Variants in PLPP4 observed in about 807,000 individuals in gnomAD.
The protein encoded by PLPP4 is diacylglycerol pyrophosphate like 2.
PLPP4 carries 20 observed loss-of-function variants against 32.2 expected under a neutral mutation model. The ratio of observed to expected loss-of-function variants is 0.62; its 90% confidence interval spans 0.44 to 0.90. PLPP4 has a LOEUF of 0.90. Among genes scored for constraint, PLPP4 ranks in the 40% least tolerant of loss-of-function variants. The pLI is 0.00. For missense variants in PLPP4, 257 were observed against 353.1 expected (o/e 0.73, Z 2.18); for synonymous variants, 127 against 133.0 (o/e 0.95, Z 0.31).
chr10:120,477,242 C>CAAAAAAAGAA (rs140983897), intron 1 of PLPP4, among the ~76,000 whole-genome samples: 1 of 140,630 alleles, frequency 7.1e-6, no homozygotes, highest in Non-Finnish European at 1.5e-5. Flanking sequence ...CAGAACGGTT[C>CAAAAAAAGAA]AAAAAGAAAA....
chr10:120,518,342 C>A (rs1341116900), intron 3 of PLPP4, among the ~76,000 whole-genome samples: 2 of 152,164 alleles, frequency 1.3e-5, no homozygotes, highest in East Asian at 3.9e-4. Flanking sequence ...AACAAATGGA[C>A]AGCTGTCGGC....
intron 6 of PLPP4, among the ~76,000 whole-genome samples, chr10:120,587,057 G>C (rs1478085283): frequency 6.6e-6 from 1 of 152,162 alleles, no homozygotes; most frequent in Non-Finnish European, 1.5e-5. Flanking sequence ...TTAGGGGAAG[G>C]CATGAGGAGA....
At position 120,518,915 on chromosome 10, in the gene PLPP4, G is replaced by T; in HGVS notation, c.320+19G>T. On this transcript the variant is annotated intron_variant, in intron 4 of 6. Coordinates refer to ENST00000398250, the MANE Select transcript of PLPP4 (RefSeq NM_001030059.3). ...TGGGAAGGTAAGTTCCAAGAAGAATGAAATGGTGACTTAGACTATCAAGGT... is the reference window on the plus strand; with the variant it reads ...TGGGAAGGTAAGTTCCAAGAAGAATTAAATGGTGACTTAGACTATCAAGGT... 6.3e-7 allele frequency: 1 copy of T among 1,599,806 alleles called. No individual in the cohort carries two copies. The highest frequency in any genetic ancestry group is 1.1e-5 in the South Asian group (1 of 89,264).
chr10:120,457,296 C>T lies in PLPP4; in HGVS notation c.-10C>T, dbSNP rs759850248. 3.3e-6 allele frequency: 5 copies of T among 1,515,830 alleles called. No individual in the cohort carries two copies. Among genetic ancestry groups the T allele is most frequent in the African/African-American group, 2.8e-5 (2 of 70,720 alleles). The allele number at this position is 1,515,830 out of a possible 1,614,324, so 93.9% of individuals were successfully genotyped here. A position where few individuals can be genotyped will look rare whatever the true frequency, so the allele number is the denominator to read the frequency against. ...CCAGCTGACGCCGCGGGAGCTGCTC[C>T]GGCCGCACCATGCGGGAGCTGGCCA... On this transcript the variant is annotated 5_prime_UTR_variant, in exon 1 of 7. Coordinates refer to ENST00000398250, the MANE Select transcript of PLPP4 (RefSeq NM_001030059.3).
At chr10:120,535,470 A>T (rs1435968915) in intron 5 of PLPP4, among the ~76,000 whole-genome samples, 3 of 151,988 alleles carry the variant, frequency 2.0e-5, no homozygotes, top group Admixed American at 2.0e-4. Flanking sequence ...ATTACTTAAG[A>T]TGATGTTGTT....
intron 1 of PLPP4, among the ~76,000 whole-genome samples, chr10:120,478,850 A>G (rs954331121): frequency 1.3e-5 from 2 of 152,234 alleles, no homozygotes; most frequent in African/African-American, 2.4e-5. Context: ...TGTAGTTAAC[A>G]CCATGATGAA....
chr10:120,528,925 G>A (rs1351132010), intron 5 of PLPP4, among the ~76,000 whole-genome samples: 1 of 151,410 alleles, frequency 6.6e-6, no homozygotes, highest in Non-Finnish European at 1.5e-5. Context: ...AAGCATCTAG[G>A]TTCACAGTCA....
intron 1 of PLPP4, among the ~76,000 whole-genome samples, chr10:120,499,496 G>A (rs949126826): frequency 6.6e-6 from 1 of 151,946 alleles, no homozygotes; most frequent in African/African-American, 2.4e-5. Context: ...CACAGTCATG[G>A]AGAAGATCCC....
chr10:120,531,244 T>C (rs1043987661), intron 5 of PLPP4, among the ~76,000 whole-genome samples: 1 of 152,016 alleles, frequency 6.6e-6, no homozygotes, highest in Admixed American at 6.6e-5. Flanking sequence ...TAGCTGGGAC[T>C]ACAGGCACGT....
At chr10:120,588,004 C>T (rs763686856) in intron 6 of PLPP4, among the ~76,000 whole-genome samples, 2 of 152,208 alleles carry the variant, frequency 1.3e-5, no homozygotes, top group Admixed American at 6.5e-5. Flanking sequence ...TGGAATGAAC[C>T]CGCCAGGGTG....
chr10:120,482,588 C>A (rs888825658), intron 1 of PLPP4, among the ~76,000 whole-genome samples: 3 of 152,088 alleles, frequency 2.0e-5, no homozygotes, highest in Admixed American at 2.0e-4. Context: ...GGAAAATTTG[C>A]AGCCTGACAA....
chr10:120,511,203 G>A (rs775992754), intron 2 of PLPP4, among the ~76,000 whole-genome samples: 40 of 152,184 alleles, frequency 2.6e-4, no homozygotes, highest in South Asian at 2.1e-4. Context: ...GAGGCAGGGC[G>A]CAGTTCTAAA....
intron 5 of PLPP4, among the ~76,000 whole-genome samples, chr10:120,533,635 C>G (rs1846850205): frequency 6.6e-6 from 1 of 152,102 alleles, no homozygotes; most frequent in African/African-American, 2.4e-5. Context: ...CTTGCCTCCT[C>G]CCTATTTTCA....
At position 120,589,735 on chromosome 10, in the gene PLPP4, G is replaced by T; in HGVS notation, c.*233G>T. On this transcript the variant is annotated 3_prime_UTR_variant, in exon 7 of 7. Coordinates refer to ENST00000398250, the MANE Select transcript of PLPP4 (RefSeq NM_001030059.3). ...CTCTGAGAGACGTGTGGAAGAGGCT[G>T]TGAAGGTGGGGTTTGGGGAGCTTGG... 2 of 514,368 alleles carry T rather than the reference G, an allele frequency of 3.9e-6. No individual in the cohort carries two copies. Among genetic ancestry groups the T allele is most frequent in the Admixed American group, 3.5e-5 (1 of 28,662 alleles). 31.9% of individuals were successfully genotyped at this position (514,368 alleles called of 1,614,324 possible). A position where few individuals can be genotyped will look rare whatever the true frequency, so the allele number is the denominator to read the frequency against.
chr10:120,480,041 A>T (rs981933958), intron 1 of PLPP4, among the ~76,000 whole-genome samples: 1 of 152,226 alleles, frequency 6.6e-6, no homozygotes, highest in Non-Finnish European at 1.5e-5. Context: ...TTAAAATTGT[A>T]TGTAAAGTAA....
In PLPP4 at chr10:120,501,344, G is replaced by T. The variant is rs1269870844; in HGVS notation, c.57-2474G>T. Among the ~76,000 whole-genome samples, 4 of 152,032 alleles carry T rather than the reference G, an allele frequency of 2.6e-5. No homozygotes were observed. The East Asian group carries it at 5.8e-4, about 22-fold the overall frequency. Reference sequence around the variant, plus strand: ...AAAAACACTTGGGAGCAGGGAGTAGGTTGTCACAAAATCAAACAAAGACCG... The same window carrying T: ...AAAAACACTTGGGAGCAGGGAGTAGTTTGTCACAAAATCAAACAAAGACCG... On this transcript the variant is annotated intron_variant, in intron 1 of 6. Coordinates refer to ENST00000398250, the MANE Select transcript of PLPP4 (RefSeq NM_001030059.3).
intron 1 of PLPP4, among the ~76,000 whole-genome samples, chr10:120,463,818 T>C (rs1384643435): frequency 6.6e-6 from 1 of 152,004 alleles, no homozygotes; most frequent in African/African-American, 2.4e-5. Flanking sequence ...AGAGGATTCT[T>C]TTTTTTTGTA....
chr10:120,588,070 C>T (rs1564861239), intron 6 of PLPP4, among the ~76,000 whole-genome samples: 1 of 152,210 alleles, frequency 6.6e-6, no homozygotes, highest in Admixed American at 6.5e-5. Flanking sequence ...AGGGTTCAAG[C>T]CCAATTCTTT....
Position 120,521,114 on chromosome 10 carries a change from T to C in PLPP4, c.445+19T>C. On this transcript the variant is annotated intron_variant, in intron 5 of 6. Coordinates refer to ENST00000398250, the MANE Select transcript of PLPP4 (RefSeq NM_001030059.3). ...TCCTCCTGTAAGTTCATGGCTGGGATTCTCTTAATGCCCCCAGTCATGTTT... is the reference window on the plus strand; with the variant it reads ...TCCTCCTGTAAGTTCATGGCTGGGACTCTCTTAATGCCCCCAGTCATGTTT... The C allele has an allele frequency of 6.2e-7, 1 of 1,613,638 alleles. No homozygotes were observed. The highest frequency in any genetic ancestry group is 8.5e-7 in the Non-Finnish European group (1 of 1,179,800).
Sources: allele counts gnomAD v4.1 joint callset (sites outside exome capture counted in the v4.1 genomes callset), GRCh38; gene constraint gnomAD v4.1.1; transcripts MANE v1.5; gene names NCBI Gene and HGNC (gene_info 2026-07-23, HGNC 2026-07-21).